Variants in SBF2 observed in about 807,000 individuals in gnomAD.
The protein encoded by SBF2 is SET binding factor 2.
In SBF2, 112 loss-of-function variants were observed where a neutral mutation model predicts 225.2. That is an observed-to-expected ratio of 0.50 (90% confidence interval 0.43 to 0.58). The LOEUF (loss-of-function observed/expected upper bound fraction) is 0.58. Ranked by LOEUF, SBF2 falls within the 20% of genes least tolerant of loss-of-function variation. The pLI is 0.00. For synonymous variants in SBF2, 763 were observed against 773.3 expected (o/e 0.99, Z 0.22); for missense variants, 1,996 against 2,206.2 (o/e 0.90, Z 1.91).
chr11:9,987,261 C>G (rs1033553070), intron 13 of SBF2, among the ~76,000 whole-genome samples: 1 of 152,008 alleles, frequency 6.6e-6, no homozygotes, highest in Non-Finnish European at 1.5e-5. Context: ...AACTGGCATA[C>G]GAGGGACATA....
intron 32 of SBF2, among the ~76,000 whole-genome samples, chr11:9,798,521 C>G (rs992426699): frequency 2.0e-5 from 3 of 152,184 alleles, no homozygotes; most frequent in African/African-American, 7.2e-5. Context: ...AGGACAACTG[C>G]CCCAACAGCC....
chr11:9,789,361 A>G lies in SBF2; in HGVS notation c.4699-19T>C. The G allele has an allele frequency of 6.3e-7, 1 of 1,591,800 alleles. No homozygotes were observed. The highest frequency in any genetic ancestry group is 8.6e-7 in the Non-Finnish European group (1 of 1,159,732). Reference sequence around the variant, plus strand: ...TTAGAGCCTGTTAAAGAAAACAGAAATATAGTTTCATCTTGACCCCAAAGT... The same window carrying G: ...TTAGAGCCTGTTAAAGAAAACAGAAGTATAGTTTCATCTTGACCCCAAAGT... On this transcript the variant is annotated intron_variant, in intron 34 of 39. Coordinates refer to ENST00000256190, the MANE Select transcript of SBF2 (RefSeq NM_030962.4).
intron 25 of SBF2, among the ~76,000 whole-genome samples, chr11:9,840,127 G>C (rs946528559): frequency 6.6e-6 from 1 of 152,010 alleles, no homozygotes; most frequent in South Asian, 2.1e-4. Context: ...CCAGCTACTC[G>C]GGAGGCTGAG....
rs182558773 is a variant in SBF2, at chr11:9,878,341, G to T, written c.1929+17602C>A. 1.4e-3 allele frequency among the ~76,000 whole-genome samples: 216 copies of T among 152,216 alleles called. 1 individual carries two copies. The highest frequency in any genetic ancestry group is 4.9e-3 in the African/African-American group (204 of 41,540). On this transcript the variant is annotated intron_variant, in intron 17 of 39. Coordinates refer to ENST00000256190, the MANE Select transcript of SBF2 (RefSeq NM_030962.4). Reference sequence around the variant, plus strand: ...GCAAAAATTTCCTCCCATTCCGTAGGTTGCCTGTTCACTCTGATGGTAGTT... The same window carrying T: ...GCAAAAATTTCCTCCCATTCCGTAGTTTGCCTGTTCACTCTGATGGTAGTT...
intron 1 of SBF2, among the ~76,000 whole-genome samples, chr11:10,276,560 T>G (rs1444156057): frequency 1.3e-5 from 2 of 152,210 alleles, no homozygotes; most frequent in Non-Finnish European, 2.9e-5. Flanking sequence ...GTCCCCACAA[T>G]GTATTTATAG....
chr11:10,246,341 T>C (rs982394404), intron 1 of SBF2, among the ~76,000 whole-genome samples: 3 of 152,216 alleles, frequency 2.0e-5, no homozygotes, highest in Non-Finnish European at 2.9e-5. Flanking sequence ...TGGAGTGCAA[T>C]GGCGCAATTT....
intron 2 of SBF2, among the ~76,000 whole-genome samples, chr11:10,193,095 T>C (rs1425826169): frequency 6.6e-6 from 1 of 152,166 alleles, no homozygotes; most frequent in Non-Finnish European, 1.5e-5. Flanking sequence ...CTTCAGACCT[T>C]GTAGCTAAAA....
At chr11:10,156,890 T>C (rs59901009) in intron 2 of SBF2, among the ~76,000 whole-genome samples, 38,504 of 152,062 alleles carry the variant, frequency 0.25, 5,025 homozygotes, top group Middle Eastern at 0.32. Context: ...CTACCACTGA[T>C]ATTCTCCACA....
intron 16 of SBF2, among the ~76,000 whole-genome samples, chr11:9,956,084 T>A (rs762621523): frequency 2.6e-5 from 4 of 152,154 alleles, no homozygotes; most frequent in Non-Finnish European, 5.9e-5. Flanking sequence ...TTCATCTACA[T>A]CATCCTTTGT....
chr11:9,815,507 GAAAA>G (rs1854411843), intron 29 of SBF2, among the ~76,000 whole-genome samples: 2 of 151,766 alleles, frequency 1.3e-5, no homozygotes, highest in South Asian at 2.1e-4. Context: ...CAGACAGAAA[GAAAA>G]AGAGGGCAGG....
intron 2 of SBF2, among the ~76,000 whole-genome samples, chr11:10,173,381 G>A (rs150115370): frequency 0.059 from 9,042 of 152,274 alleles, 332 homozygotes; most frequent in Middle Eastern, 0.15. Context: ...CCCTTTCCTA[G>A]TCAAAGAAAG....
chr11:9,855,941 AAG>A (rs1173014836), intron 19 of SBF2, among the ~76,000 whole-genome samples: 2 of 152,212 alleles, frequency 1.3e-5, no homozygotes, highest in East Asian at 3.8e-4. Context: ...TGGTTGACAG[AAG>A]AGTGATAGGA....
At chr11:9,884,001 C>G (rs866393408) in intron 17 of SBF2, among the ~76,000 whole-genome samples, 8 of 152,270 alleles carry the variant, frequency 5.3e-5, no homozygotes, top group Middle Eastern at 3.4e-3. Flanking sequence ...ATGACAGACT[C>G]TTAGGGTTCT....
chr11:10,277,132 C>CAAAAAAAAAAAAA, intron 1 of SBF2, among the ~76,000 whole-genome samples: 1 of 73,520 alleles, frequency 1.4e-5, no homozygotes, highest in Non-Finnish European at 2.5e-5. Flanking sequence ...GACCCCATCT[C>CAAAAAAAAAAAAA]AAAAAAAAAA....
At chr11:10,118,393 A>G (rs1037201419) in intron 2 of SBF2, among the ~76,000 whole-genome samples, 1 of 152,184 alleles carries the variant, frequency 6.6e-6, no homozygotes, top group Non-Finnish European at 1.5e-5. Flanking sequence ...GCATACATAT[A>G]TGTAAGTCTG....
intron 1 of SBF2, among the ~76,000 whole-genome samples, chr11:10,238,915 AAAAC>A (rs1959172241): frequency 6.6e-6 from 1 of 150,838 alleles, no homozygotes; most frequent in Non-Finnish European, 1.5e-5. Flanking sequence ...TTCATCTCAA[AAAAC>A]AAACAAAAAA....
intron 1 of SBF2, among the ~76,000 whole-genome samples, chr11:10,204,622 C>T (rs1957688806): frequency 6.7e-6 from 1 of 150,018 alleles, no homozygotes; most frequent in East Asian, 1.9e-4. Flanking sequence ...CATGCCACTA[C>T]ACTCCAGCCT....
At chr11:9,871,470 C>CTTA (rs375904547) in intron 17 of SBF2, among the ~76,000 whole-genome samples, 8,747 of 136,850 alleles carry the variant, frequency 0.064, 319 homozygotes, top group South Asian at 0.094. Context: ...CAGGATGACG[C>CTTA]TTATTATTAT....
At chr11:9,890,855 C>T (rs1350462661) in intron 17 of SBF2, among the ~76,000 whole-genome samples, 2 of 152,138 alleles carry the variant, frequency 1.3e-5, no homozygotes, top group African/African-American at 2.4e-5. Flanking sequence ...AGGTGGCAGC[C>T]GGGTGTGGTG....
Sources: allele counts gnomAD v4.1 joint callset (sites outside exome capture counted in the v4.1 genomes callset), GRCh38; gene constraint gnomAD v4.1.1; transcripts MANE v1.5; gene names NCBI Gene and HGNC (gene_info 2026-07-23, HGNC 2026-07-21).